Variants in ANO4 observed in about 807,000 individuals in gnomAD.
The protein encoded by ANO4 is anoctamin 4, also known as anoctamin-4.
In ANO4, 69 loss-of-function variants were observed where a neutral mutation model predicts 141.9. The observed-to-expected ratio is 0.49, with a 90% CI of 0.40 to 0.59. The LOEUF is 0.59. ANO4 is among the 20% of genes least tolerant of loss of function. The probability of loss-of-function intolerance (pLI) is 0.00; values close to 1 mark genes in which losing one functional copy is unlikely to be tolerated. For synonymous variants in ANO4, 350 were observed against 394.3 expected (o/e 0.89, Z 1.33); for missense variants, 894 against 1,162.2 (o/e 0.77, Z 3.36).
At chr12:101,117,159 G>T (rs2050887320) in intron 25 of ANO4, among the ~76,000 whole-genome samples, 1 of 152,156 alleles carries the variant, frequency 6.6e-6, no homozygotes, top group East Asian at 1.9e-4. Context: ...ACTTGTCTTT[G>T]TTCTGCTTCT....
At chr12:100,729,556 AG>A (rs897811216) in intron 1 of ANO4, among the ~76,000 whole-genome samples, 20 of 152,116 alleles carry the variant, frequency 1.3e-4, no homozygotes, top group African/African-American at 4.8e-4. Flanking sequence ...TAATGTGTCC[AG>A]GGGTTGGAAT....
chr12:100,970,454 C>T (rs977753181), intron 5 of ANO4, among the ~76,000 whole-genome samples: 12 of 152,088 alleles, frequency 7.9e-5, no homozygotes, highest in Middle Eastern at 3.2e-3. Flanking sequence ...GCACCCAGAG[C>T]GCTCATCCCA....
chr12:100,920,835 A>T (rs113728072), intron 2 of ANO4, among the ~76,000 whole-genome samples: 1 of 152,170 alleles, frequency 6.6e-6, no homozygotes, highest in African/African-American at 2.4e-5. Flanking sequence ...TTAATAAATT[A>T]TTATGGATGA....
rs183058423 is a variant in ANO4, at chr12:100,841,966, C to T, written c.-141+46939C>T. ...TGGGGATCTGGAATCTTCCTGATAG[C>T]GAGTCAGCAAGATTGGTGGGCCCAA... On this transcript the variant is annotated intron_variant, in intron 1 of 27. Coordinates refer to ENST00000392977, the MANE Select transcript of ANO4 (RefSeq NM_001286615.2). 4.7e-5 allele frequency among the ~76,000 whole-genome samples: 7 copies of T among 148,222 alleles called. No homozygotes were observed. In the East Asian group the frequency reaches 8.1e-4, roughly 17 times the overall value.
intron 3 of ANO4, among the ~76,000 whole-genome samples, chr12:100,780,703 G>A (rs2033686406): frequency 6.6e-6 from 1 of 152,086 alleles, no homozygotes; most frequent in Non-Finnish European, 1.5e-5. Context: ...TCCTGACTGA[G>A]GGTCGGAACA....
Position 100,850,054 on chromosome 12 carries a change from C to A in ANO4, c.-140-51592C>A, listed in dbSNP as rs138128874. ...GGAACTCTGAAGCTACCTCAGCTAC[C>A]TGAAGCAACCATTGAGGCTGAATTT... On this transcript the variant is annotated intron_variant, in intron 1 of 27. Coordinates refer to ENST00000392977, the MANE Select transcript of ANO4 (RefSeq NM_001286615.2). Among the ~76,000 whole-genome samples, 197 of 152,282 alleles carry A rather than the reference C, an allele frequency of 1.3e-3. 6 individuals carry two copies. In the East Asian group the frequency reaches 0.033, roughly 26 times the overall value.
chr12:101,077,023 C>T (rs1426201412), intron 14 of ANO4, among the ~76,000 whole-genome samples: 1 of 152,154 alleles, frequency 6.6e-6, no homozygotes, highest in Non-Finnish European at 1.5e-5. Context: ...AGACAGTTTC[C>T]ACCACCCTGA....
intron 13 of ANO4, among the ~76,000 whole-genome samples, chr12:101,045,761 G>A (rs1017300666): frequency 2.0e-5 from 3 of 152,174 alleles, no homozygotes; most frequent in Middle Eastern, 6.3e-3. Context: ...TGTTCCTCCA[G>A]GGACCCCGGT....
chr12:100,927,589 T>C (rs1398600557), intron 3 of ANO4, among the ~76,000 whole-genome samples: 4 of 152,084 alleles, frequency 2.6e-5, no homozygotes, highest in Non-Finnish European at 5.9e-5. Context: ...ATCAGGTGTA[T>C]GTGTGTGTGT....
Position 101,099,711 on chromosome 12 carries a change from T to G in ANO4, c.2140T>G (p.Leu714Val). The change falls in exon 22 of 28, where the codon TTA becomes GTA. Residue 714 changes from leucine to valine, a missense_variant. Physicochemically the swap from Leu to Val is conservative, Grantham distance 32. Transcript: ENST00000392977. ...TGCCTATGGACTCTTCGATGAATAC[T>G]TAGAAATGAGTATGGAAATATTCTA... ...MNAYGLFDEYLEMILQFGFTT... is the reference protein window; with the variant it reads ...MNAYGLFDEYVEMILQFGFTT... 6.4e-7 allele frequency: 1 copy of G among 1,564,968 alleles called. No individual in the cohort carries two copies. Among genetic ancestry groups the G allele is most frequent in the Non-Finnish European group, 8.6e-7 (1 of 1,165,138 alleles).
rs567442982 is a variant in ANO4, at chr12:100,928,752, T to C, written c.160+6422T>C. ...AGGGCTGTAAGAAGTGCCATCATCA[T>C]TATTTGCCTTTTTATAGAAGTAACC... On this transcript the variant is annotated intron_variant, in intron 3 of 27. Transcript: ENST00000392977. Among the ~76,000 whole-genome samples the C allele has an allele frequency of 2.0e-5, 3 of 152,302 alleles. No individual in the cohort carries two copies. In the South Asian group the frequency reaches 6.2e-4, roughly 32 times the overall value.
chr12:100,983,076 C>G (rs760297105), intron 7 of ANO4, among the ~76,000 whole-genome samples: 2 of 152,154 alleles, frequency 1.3e-5, no homozygotes, highest in Non-Finnish European at 2.9e-5. Context: ...GAAGGGGGCC[C>G]TAAGTGAAGT....
chr12:101,119,294 C>A (rs1474744767), intron 25 of ANO4, among the ~76,000 whole-genome samples: 2 of 151,900 alleles, frequency 1.3e-5, no homozygotes, highest in Non-Finnish European at 2.9e-5. Flanking sequence ...CCTGTCTCTA[C>A]CAAAAATACA....
intron 1 of ANO4, among the ~76,000 whole-genome samples, chr12:100,854,459 TCTC>T (rs1433919420): frequency 2.0e-5 from 3 of 152,160 alleles, no homozygotes; most frequent in Admixed American, 2.0e-4. Flanking sequence ...TCCCTTATTC[TCTC>T]CTCTTTTATT....
intron 1 of ANO4, among the ~76,000 whole-genome samples, chr12:100,720,130 A>G (rs1350315406): frequency 6.6e-6 from 1 of 152,098 alleles, no homozygotes; most frequent in Admixed American, 6.5e-5. Flanking sequence ...TTAGAGAGAA[A>G]TGACTGGGAC....
intron 8 of ANO4, among the ~76,000 whole-genome samples, chr12:101,002,950 C>T (rs916693146): frequency 1.3e-5 from 2 of 152,202 alleles, no homozygotes; most frequent in African/African-American, 4.8e-5. Context: ...AGCATTCCTC[C>T]TCTGCCCTAG....
intron 2 of ANO4, among the ~76,000 whole-genome samples, chr12:100,735,119 A>G (rs1382308794): frequency 6.6e-6 from 1 of 152,164 alleles, no homozygotes; most frequent in Non-Finnish European, 1.5e-5. Flanking sequence ...ATCAATGTTA[A>G]TGCTCACTGA....
chr12:100,876,568 G>A (rs2039318782), intron 1 of ANO4, among the ~76,000 whole-genome samples: 1 of 152,152 alleles, frequency 6.6e-6, no homozygotes, highest in Admixed American at 6.5e-5. Flanking sequence ...ATGATGCAGT[G>A]GAGAAAGGGA....
chr12:100,818,303 C>T (rs965297138), intron 1 of ANO4, among the ~76,000 whole-genome samples: 10 of 151,798 alleles, frequency 6.6e-5, no homozygotes, highest in African/African-American at 2.4e-4. Flanking sequence ...GATTAGACAA[C>T]TTAAGCTATG....
Sources: allele counts gnomAD v4.1 joint callset (sites outside exome capture counted in the v4.1 genomes callset), GRCh38; gene constraint gnomAD v4.1.1; transcripts MANE v1.5; gene names NCBI Gene and HGNC (gene_info 2026-07-23, HGNC 2026-07-21).